Variants in MCRIP2 observed in about 807,000 individuals in gnomAD.
MCRIP2 encodes MAPK regulated corepressor interacting protein 2, also known as MAPK regulated co-repressor interacting protein 2.
In MCRIP2, 21 loss-of-function variants were observed where a neutral mutation model predicts 23.2. The observed-to-expected ratio is 0.90, with a 90% CI of 0.64 to 1.30. MCRIP2 has a LOEUF of 1.30. Ranked by LOEUF, MCRIP2 falls within the 50% of genes most tolerant of loss-of-function variation. The pLI is 0.00. For synonymous variants in MCRIP2, 121 were observed against 100.2 expected (o/e 1.21, Z -1.24); for missense variants, 234 against 223.2 (o/e 1.05, Z -0.31).
rs749952951 is a variant in MCRIP2, at chr16:648,253, C to T, written c.*63C>T. 6 of 1,497,462 alleles carry T rather than the reference C, an allele frequency of 4.0e-6. No individual in the cohort carries two copies. The highest frequency in any genetic ancestry group is 1.7e-4 in the Middle Eastern group (1 of 5,844). The allele number at this position is 1,497,462 out of a possible 1,614,324, so 92.8% of individuals were successfully genotyped here. A position where few individuals can be genotyped will look rare whatever the true frequency, so the allele number is the denominator to read the frequency against. ...GTCGCCAGGAGAGAAGCATGGCGCC[C>T]TGCCCACCCACTGCGCCTGGCTGGG... On this transcript the variant is annotated 3_prime_UTR_variant, in exon 5 of 5. Transcript: ENST00000307650.
chr16:643,932 G>C (rs564462606), intron 2 of MCRIP2, among the ~76,000 whole-genome samples: 1 of 152,120 alleles, frequency 6.6e-6, no homozygotes, highest in Non-Finnish European at 1.5e-5. Flanking sequence ...GAGGAGCCCT[G>C]GGCAGGGCAG....
chr16:644,159 G>A (rs571114945), intron 2 of MCRIP2, among the ~76,000 whole-genome samples: 2 of 152,106 alleles, frequency 1.3e-5, no homozygotes, highest in African/African-American at 4.8e-5. Flanking sequence ...TCCGCTCACC[G>A]CAACCTCTGC....
chr16:643,366 A>T (rs961242215), intron 2 of MCRIP2, among the ~76,000 whole-genome samples: 5 of 151,944 alleles, frequency 3.3e-5, no homozygotes, highest in Non-Finnish European at 1.5e-5. Flanking sequence ...CGTCTCTCTT[A>T]ACCTGGGGAA....
In MCRIP2 at chr16:648,171, G is replaced by C. The variant is rs1221474428; in HGVS notation, c.464G>C (p.Arg155Thr). ...TGGTGGGCGCAGCAGTTCCTGGCGA[G>C]AATCACCAGCTGTTCCTAGTGGCTG... The part of the protein sequence containing the change: ...DEWWAQQFLA[R>T]ITSCS Residue 155 changes from arginine (R) to threonine (T), a missense_variant, in exon 5 of 5, where the codon AGA becomes ACA. Transcript: ENST00000307650. 1.2e-6 allele frequency: 2 copies of C among 1,610,976 alleles called. No homozygotes were observed. The highest frequency in any genetic ancestry group is 1.7e-6 in the Non-Finnish European group (2 of 1,179,198).
chr16:641,946 G>C lies in MCRIP2; in HGVS notation c.-46G>C. ...CGTTAAGTGCGAGCCCCGGCGCAGG[G>C]GCCGGATCTGGCCGGGGGCCGGCGG... is the stretch of plus-strand genomic sequence containing the variant. On this transcript the variant is annotated 5_prime_UTR_variant, in exon 1 of 5. Coordinates refer to ENST00000307650, the MANE Select transcript of MCRIP2 (RefSeq NM_138418.4). 1 of 1,288,876 alleles carries C rather than the reference G, an allele frequency of 7.8e-7. No individual in the cohort carries two copies. The highest frequency in any genetic ancestry group is 2.3e-5 in the South Asian group (1 of 43,098). 79.8% of individuals were successfully genotyped at this position (1,288,876 alleles called of 1,614,324 possible).
chr16:642,175 G>T lies in MCRIP2; in HGVS notation c.108G>T (p.Gln36His). ...GRLGELLKCR[Q>H]PAPPTSQPPR... ...TCGGCGAGCTCCTGAAATGCCGGCA[G>T]CCCGCGCCGCCGACCTCGCAGCCCC... Residue 36 changes from glutamine to histidine, a missense_variant, in exon 2 of 5, where the codon CAG becomes CAT. Transcript: ENST00000307650. 3 of 1,344,466 alleles carry T rather than the reference G, an allele frequency of 2.2e-6. No individual in the cohort carries two copies. The highest frequency in any genetic ancestry group is 2.9e-6 in the Non-Finnish European group (3 of 1,043,870). 83.3% of individuals were successfully genotyped at this position (1,344,466 alleles called of 1,614,324 possible).
Position 642,178 on chromosome 16 carries a change from C to G in MCRIP2, c.111C>G (p.Pro37=), listed in dbSNP as rs1390804885. 1.5e-6 allele frequency: 2 copies of G among 1,343,096 alleles called. No homozygotes were observed. Among genetic ancestry groups the G allele is most frequent in the Non-Finnish European group, 9.6e-7 (1 of 1,043,148 alleles). 83.2% of individuals were successfully genotyped at this position (1,343,096 alleles called of 1,614,324 possible). The stretch of plus-strand genomic sequence containing the variant: ...GCGAGCTCCTGAAATGCCGGCAGCC[C>G]GCGCCGCCGACCTCGCAGCCCCCGC... The part of the protein sequence containing the change: ...RLGELLKCRQ[P]APPTSQPPRA... The change falls in exon 2 of 5, where the codon CCC becomes CCG. Residue 37 remains proline (P), a synonymous_variant. Coordinates refer to ENST00000307650, the MANE Select transcript of MCRIP2 (RefSeq NM_138418.4).
chr16:647,749 G>A (rs1684718680), intron 3 of MCRIP2, 34 bp from the exon 4 acceptor site: 1 of 1,541,632 alleles, frequency 6.5e-7, no homozygotes, highest in African/African-American at 1.4e-5. Flanking sequence ...GGGTGCCTGG[G>A]ACCTGGCTCA....
chr16:647,740 G>T (rs1458334790), intron 3 of MCRIP2, 43 bp from the exon 4 acceptor site: 19 of 1,532,086 alleles, frequency 1.2e-5, no homozygotes, highest in Non-Finnish European at 1.7e-5. Flanking sequence ...TGGGCGATGG[G>T]GTGCCTGGGA....
At position 647,409 on chromosome 16, in the gene MCRIP2, T is replaced by C. The variant is rs775121990; in HGVS notation, c.183-8T>C. On this transcript the variant is annotated splice_region_variant and splice_polypyrimidine_tract_variant and intron_variant, in intron 2 of 4. Transcript: ENST00000307650. ...CACCAACCATGTCCGTCTCCTCCCT[T>C]CCTGCAGTCCAGGGCCAAGGCTTGT... The C allele has an allele frequency of 1.1e-5, 18 of 1,613,004 alleles. No homozygotes were observed. The East Asian group carries it at 4.0e-4, about 36-fold the overall frequency.
chr16:644,731 C>T (rs970969388), intron 2 of MCRIP2, among the ~76,000 whole-genome samples: 3 of 152,012 alleles, frequency 2.0e-5, no homozygotes, highest in South Asian at 2.1e-4. Flanking sequence ...TGGGCCACCG[C>T]GCCCGGCCCT....
Position 647,881 on chromosome 16 carries a change from CAG to C in MCRIP2, c.412_412+1del. The C allele has an allele frequency of 6.5e-7, 1 of 1,532,084 alleles. No homozygotes were observed. Among genetic ancestry groups the C allele is most frequent in the Non-Finnish European group, 8.8e-7 (1 of 1,133,924 alleles). 94.9% of individuals were successfully genotyped at this position (1,532,084 alleles called of 1,614,324 possible). On this transcript the variant is annotated frameshift_variant and splice_region_variant, in exon 4 of 5. Coordinates refer to ENST00000307650, the MANE Select transcript of MCRIP2 (RefSeq NM_138418.4). LOFTEE classifies it high-confidence loss of function. ...GGAGAGGACCCCCAATCCCCGGCTG[CAG>C]AGTGAGCCCCCCAACCCTGTCCCCC... The part of the protein sequence containing the change: ...YVERTPNPRL[Q>X]NFVPIDLDEW...
At position 648,248 on chromosome 16, in the gene MCRIP2, G is replaced by C. The variant is rs1189538159; in HGVS notation, c.*58G>C. 14 of 1,526,038 alleles carry C rather than the reference G, an allele frequency of 9.2e-6. No individual in the cohort carries two copies. Among genetic ancestry groups the C allele is most frequent in the Non-Finnish European group, 9.8e-6 (11 of 1,121,146 alleles). 94.5% of individuals were successfully genotyped at this position (1,526,038 alleles called of 1,614,324 possible). On this transcript the variant is annotated 3_prime_UTR_variant, in exon 5 of 5. Coordinates refer to ENST00000307650, the MANE Select transcript of MCRIP2 (RefSeq NM_138418.4). The stretch of plus-strand genomic sequence containing the variant: ...GACCTGTCGCCAGGAGAGAAGCATG[G>C]CGCCCTGCCCACCCACTGCGCCTGG...
intron 2 of MCRIP2, 151 bp from the exon 3 acceptor site, chr16:647,266 G>A: frequency 9.3e-7 from 1 of 1,070,930 alleles, no homozygotes. Context: ...GCCACCGGCT[G>A]CTGTGGGTGG....
rs553476185 is a variant in MCRIP2 at position 648,073 on chromosome 16, G to A, written c.413-47G>A. 40 of 1,542,540 alleles carry A rather than the reference G, an allele frequency of 2.6e-5. No individual in the cohort carries two copies. In the South Asian group the frequency reaches 4.5e-4, roughly 17 times the overall value. ...TGGTTAGCTCCAGGGGAGACTTGCC[G>A]GCTGGCCTGGGAGGCAGCATCACTG... is the stretch of plus-strand genomic sequence containing the variant. On this transcript the variant is annotated intron_variant, in intron 4 of 4. Coordinates refer to ENST00000307650, the MANE Select transcript of MCRIP2 (RefSeq NM_138418.4).
At position 646,384 on chromosome 16, in the gene MCRIP2, G is replaced by C. The variant is rs1274154666; in HGVS notation, c.183-1033G>C. The C allele has an allele frequency of 1.3e-5, 2 of 152,212 alleles. No individual in the cohort carries two copies. The highest frequency in any genetic ancestry group is 4.8e-5 in the African/African-American group (2 of 41,430). The allele number at this position is 152,212 out of a possible 1,614,324, so 9.4% of individuals were successfully genotyped here. On this transcript the variant is annotated intron_variant, in intron 2 of 4. Transcript: ENST00000307650. This position sits in a 1 kb window ranked among gnomAD's most constrained non-coding sequence, Gnocchi z 6.5. ...GCCCCTGTCCCATCTCCACCTGCAC[G>C]TTTTAAGATCCTCTGTGGCCACCAG... is the stretch of plus-strand genomic sequence containing the variant.
At chr16:643,361 C>T (rs1160685520) in intron 2 of MCRIP2, among the ~76,000 whole-genome samples, 1 of 152,150 alleles carries the variant, frequency 6.6e-6, no homozygotes, top group Non-Finnish European at 1.5e-5. Context: ...GACGCCGTCT[C>T]TCTTAACCTG....
At chr16:647,576 G>C in intron 3 of MCRIP2, 32 bp downstream of exon 3, 1 of 1,608,018 alleles carries the variant, frequency 6.2e-7, no homozygotes, top group Non-Finnish European at 8.5e-7. Context: ...TGCGGCATAG[G>C]CTGCTGGGTC....
chr16:648,190 G>C lies in MCRIP2; in HGVS notation c.483G>C (p.Ter161TyrextTer?), dbSNP rs1567211612. Residue 161 changes from the stop codon to tyrosine (Y), a stop_lost, in exon 5 of 5, where the codon TAG (stop) becomes TAC (tyrosine). Coordinates refer to ENST00000307650, the MANE Select transcript of MCRIP2 (RefSeq NM_138418.4). ...QFLARITSCS[*>Y] ...TGGCGAGAATCACCAGCTGTTCCTA[G>C]TGGCTGCTGGGAGGGGGCGCTGCTA... is the stretch of plus-strand genomic sequence containing the variant. The C allele has an allele frequency of 6.2e-7, 1 of 1,608,484 alleles. No homozygotes were observed. The highest frequency in any genetic ancestry group is 8.5e-7 in the Non-Finnish European group (1 of 1,177,966).
Sources: gnomAD v4.1 joint callset for allele counts (sites outside exome capture counted in the v4.1 genomes callset) on GRCh38, gnomAD v4.1.1 for gene constraint, Gnocchi (gnomAD v3.1) non-coding constraint, MANE v1.5 for transcripts, NCBI Gene and HGNC (gene_info 2026-07-23, HGNC 2026-07-21) for gene names.